The following NCKAP1L variants were observed in gnomAD, a reference collection of about 807,000 sequenced individuals.
NCKAP1L encodes the protein NCK associated protein 1 like.
A neutral mutation model predicts 139.2 loss-of-function variants in NCKAP1L; 53 were observed. The ratio of observed to expected loss-of-function variants is 0.38; its 90% CI spans 0.31 to 0.48. The LOEUF (loss-of-function observed/expected upper bound fraction) is 0.48. Ranked by LOEUF, NCKAP1L falls within the 20% of genes least tolerant of loss-of-function variation. The probability of loss-of-function intolerance (pLI) is 0.98; values close to 1 mark genes in which losing one functional copy is unlikely to be tolerated. For synonymous variants in NCKAP1L, 468 were observed against 499.7 expected (o/e 0.94, Z 0.85); for missense variants, 1,151 against 1,381.9 (o/e 0.83, Z 2.65).
chr12:54,528,131 TC>T, intron 21 of NCKAP1L, 115 bp from the exon 22 acceptor site: 1 of 1,268,466 alleles, frequency 7.9e-7, no homozygotes, highest in Non-Finnish European at 1.1e-6. Flanking sequence ...GAGTTTCTTC[TC>T]CCTACCCCAG....
chr12:54,507,348 T>C (rs1296211055), intron 3 of NCKAP1L, among the ~76,000 whole-genome samples: 5 of 152,136 alleles, frequency 3.3e-5, no homozygotes, highest in Non-Finnish European at 7.3e-5. Context: ...AAATGAAGTA[T>C]ATGCAAATTA....
intron 14 of NCKAP1L, 47 bp from the exon 15 acceptor site, chr12:54,518,867 T>G (rs777450616): frequency 7.1e-6 from 11 of 1,541,028 alleles, no homozygotes; most frequent in Admixed American, 1.7e-5. Flanking sequence ...AGTTGGATAT[T>G]GGTGTGCTGT....
intron 3 of NCKAP1L, 93 bp from the exon 4 acceptor site, chr12:54,507,760 C>G (rs1956854306): frequency 8.4e-7 from 1 of 1,192,154 alleles, no homozygotes; most frequent in South Asian, 1.2e-5. Context: ...TTTCTAGGAC[C>G]TCTAAGGGAG....
intron 21 of NCKAP1L, 152 bp from the exon 22 acceptor site, chr12:54,528,095 A>G: frequency 1.1e-6 from 1 of 905,784 alleles, no homozygotes; most frequent in Non-Finnish European, 1.7e-6. Flanking sequence ...TTGGGGTGTT[A>G]ATTAGAACAT....
chr12:54,518,209 G>A (rs755800055), intron 13 of NCKAP1L, among the ~76,000 whole-genome samples: 4 of 152,098 alleles, frequency 2.6e-5, no homozygotes, highest in Non-Finnish European at 4.4e-5. Context: ...GGGCATGGTG[G>A]TGGGCACCTG....
chr12:54,516,709 G>A (rs1350877766), intron 10 of NCKAP1L, among the ~76,000 whole-genome samples, 187 bp from the exon 11 acceptor site: 2 of 152,132 alleles, frequency 1.3e-5, no homozygotes, highest in African/African-American at 2.4e-5. Flanking sequence ...GCCTCCCAAC[G>A]TGCTGGAATT....
At chr12:54,517,752 C>A in intron 12 of NCKAP1L, 54 bp from the exon 13 acceptor site, 1 of 1,607,922 alleles carries the variant, frequency 6.2e-7, no homozygotes, top group Non-Finnish European at 8.5e-7. Flanking sequence ...CTGTGTTTGT[C>A]TCAGTTCATA....
At chr12:54,508,598 A>G (rs1956861332) in intron 5 of NCKAP1L, 67 bp downstream of exon 5, 5 of 1,498,240 alleles carry the variant, frequency 3.3e-6, no homozygotes, top group African/African-American at 2.8e-5. Flanking sequence ...AGAGTCCCTC[A>G]TGCAAAGGAA....
intron 21 of NCKAP1L, among the ~76,000 whole-genome samples, chr12:54,527,895 C>CT (rs1271459868): frequency 1.3e-5 from 2 of 152,268 alleles, no homozygotes; most frequent in East Asian, 3.9e-4. Context: ...TAAGTAGTGA[C>CT]TTTTTTCTTG....
chr12:54,528,528 C>T, intron 22 of NCKAP1L, 151 bp downstream of exon 22: 1 of 876,102 alleles, frequency 1.1e-6, no homozygotes, highest in Non-Finnish European at 1.7e-6. Flanking sequence ...TTTGCACCAA[C>T]CTAATAGTGA....
At chr12:54,539,179 G>A (rs1275053773) in intron 30 of NCKAP1L, among the ~76,000 whole-genome samples, 2 of 152,190 alleles carry the variant, frequency 1.3e-5, no homozygotes, top group Non-Finnish European at 2.9e-5. Flanking sequence ...AGTCTTCAAG[G>A]ACTTCTGCAA....
In NCKAP1L at chr12:54,544,434, T is replaced by C. The variant is rs550053693; in HGVS notation, c.*1749T>C. On this transcript the variant is annotated 3_prime_UTR_variant, in exon 31 of 31. Coordinates refer to ENST00000293373, the MANE Select transcript of NCKAP1L (RefSeq NM_005337.5). ...CCTTTTTTTAAAACTGAAAATTTTA[T>C]TGAGATACTTAATCCACCTGCACTT... The C allele has an allele frequency of 6.6e-6, 1 of 152,308 alleles. No individual in the cohort carries two copies. The highest frequency in any genetic ancestry group is 2.1e-4 in the South Asian group (1 of 4,832). The allele number at this position is 152,308 out of a possible 1,614,324, so 9.4% of individuals were successfully genotyped here.
At chr12:54,531,430 G>A (rs1336417694) in intron 23 of NCKAP1L, 61 bp from the exon 24 acceptor site, 2 of 1,604,460 alleles carry the variant, frequency 1.2e-6, no homozygotes, top group Non-Finnish European at 1.7e-6. Flanking sequence ...AGACTGGGGG[G>A]GAAGATGTAA....
At chr12:54,513,673 A>G (rs1421186275) in intron 9 of NCKAP1L, among the ~76,000 whole-genome samples, 2 of 152,252 alleles carry the variant, frequency 1.3e-5, no homozygotes, top group Admixed American at 6.5e-5. Flanking sequence ...TTGGCTCTAA[A>G]GATGGTTTTA....
At chr12:54,526,780 T>G (rs1957030293) in intron 21 of NCKAP1L, 34 bp downstream of exon 21, 1 of 1,578,080 alleles carries the variant, frequency 6.3e-7, no homozygotes, top group African/African-American at 1.3e-5. Context: ...ACTGCCTTAC[T>G]TTGTGTTGGC....
rs1957007441 is a variant in NCKAP1L at position 54,523,972 on chromosome 12, T to C, written c.2156+16T>C. 2 of 1,611,400 alleles carry C rather than the reference T, an allele frequency of 1.2e-6. No individual in the cohort carries two copies. Among genetic ancestry groups the C allele is most frequent in the East Asian group, 4.5e-5 (2 of 44,880 alleles). ...GACTCAACAGGTATCACTCTTTCCT[T>C]GTCCTCTGTTTGGACAGTAGTCTTC... On this transcript the variant is annotated intron_variant, in intron 20 of 30. Coordinates refer to ENST00000293373, the MANE Select transcript of NCKAP1L (RefSeq NM_005337.5).
In NCKAP1L at chr12:54,521,232, C is replaced by A. The variant is rs138691081; in HGVS notation, c.1872C>A (p.Ser624Arg). The change falls in exon 18 of 31, where the codon AGC becomes AGA. Residue 624 changes from serine (S) to arginine (R), a missense_variant. By Grantham distance (110) the Ser-to-Arg change is moderately radical (BLOSUM62 -1). Transcript: ENST00000293373. ...LEICAEQRNL[S>R]EQLLPKHCAT... Reference sequence around the variant, plus strand: ...TCTGTGCTGAGCAGCGAAACCTGAGCGAGCAGGTAGACTCAGCCCTCTCTG... The same window carrying A: ...TCTGTGCTGAGCAGCGAAACCTGAGAGAGCAGGTAGACTCAGCCCTCTCTG... The A allele has an allele frequency of 9.9e-5, 160 of 1,613,914 alleles. No individual in the cohort carries two copies. In the East Asian group the frequency reaches 3.4e-3, roughly 34 times the overall value.
At chr12:54,505,631 T>C (rs907825570) in intron 3 of NCKAP1L, among the ~76,000 whole-genome samples, 2 of 151,992 alleles carry the variant, frequency 1.3e-5, no homozygotes, top group Admixed American at 1.3e-4. Context: ...TGATCTATGT[T>C]GTTGCATGTA....
chr12:54,521,665 C>T (rs1208909091), intron 18 of NCKAP1L, among the ~76,000 whole-genome samples: 1 of 152,188 alleles, frequency 6.6e-6, no homozygotes, highest in Non-Finnish European at 1.5e-5. Context: ...AGCACCTCTT[C>T]TGTGTTTATC....
Sources: allele counts gnomAD v4.1 joint callset (sites outside exome capture counted in the v4.1 genomes callset), GRCh38; gene constraint gnomAD v4.1.1; transcripts MANE v1.5; gene names NCBI Gene and HGNC (gene_info 2026-07-23, HGNC 2026-07-21).